The following RARRES1 variants were observed in gnomAD, a reference collection of about 807,000 sequenced individuals.
RARRES1 encodes retinoic acid receptor responder 1.
In RARRES1, 34 loss-of-function variants were observed where a neutral mutation model predicts 30.6. The ratio of observed to expected loss-of-function variants is 1.11; its 90% CI spans 0.84 to 1.48. The LOEUF is 1.48. RARRES1 is among the 40% of genes most tolerant of loss of function. The pLI, the probability that RARRES1 is intolerant of heterozygous loss-of-function variation, is 0.00. For missense variants in RARRES1, 373 were observed against 386.5 expected (o/e 0.97, Z 0.29); for synonymous variants, 153 against 155.5 (o/e 0.98, Z 0.12).
chr3:158,725,205 T>C (rs1727648056), intron 1 of RARRES1, among the ~76,000 whole-genome samples: 1 of 152,186 alleles, frequency 6.6e-6, no homozygotes, highest in Non-Finnish European at 1.5e-5. Context: ...GGATTTGTTA[T>C]GGCTACTGTC....
chr3:158,698,690 C>T (rs1337473341), intron 4 of RARRES1, among the ~76,000 whole-genome samples: 4 of 123,938 alleles, frequency 3.2e-5, no homozygotes, highest in Non-Finnish European at 7.0e-5. Context: ...TTTTTTTTTG[C>T]AAGAGTGCTT....
intron 3 of RARRES1, among the ~76,000 whole-genome samples, chr3:158,709,738 C>A (rs1265367897): frequency 1.3e-5 from 2 of 152,178 alleles, no homozygotes; most frequent in Non-Finnish European, 2.9e-5. Context: ...AGCGGTCAGA[C>A]ATCAAGCTTA....
intron 3 of RARRES1, among the ~76,000 whole-genome samples, chr3:158,710,289 C>G (rs1457049332): frequency 2.0e-5 from 3 of 151,168 alleles, no homozygotes; most frequent in African/African-American, 7.3e-5. Flanking sequence ...CTCACTGCAA[C>G]CTCCGCCTCC....
intron 1 of RARRES1, among the ~76,000 whole-genome samples, chr3:158,714,068 G>A (rs1485816033): frequency 2.0e-5 from 3 of 152,034 alleles, no homozygotes; most frequent in Admixed American, 6.6e-5. Flanking sequence ...CTCACAAAGA[G>A]GGAGACTGAG....
intron 1 of RARRES1, among the ~76,000 whole-genome samples, chr3:158,731,878 C>G (rs932561672): frequency 1.3e-5 from 2 of 152,228 alleles, no homozygotes; most frequent in Non-Finnish European, 2.9e-5. Context: ...GAGCGCTGCC[C>G]TGTGAAAAAC....
intron 4 of RARRES1, among the ~76,000 whole-genome samples, chr3:158,698,555 TA>T (rs1170972351): frequency 6.6e-6 from 1 of 152,232 alleles, no homozygotes; most frequent in African/African-American, 2.4e-5. Flanking sequence ...ACGCTGTTTC[TA>T]AAACCAGTGC....
chr3:158,710,409 C>T (rs962582216), intron 3 of RARRES1, among the ~76,000 whole-genome samples: 1 of 152,036 alleles, frequency 6.6e-6, no homozygotes, highest in Non-Finnish European at 1.5e-5. Context: ...GGGGTTTCAC[C>T]GTGTTAGCCA....
intron 3 of RARRES1, 146 bp downstream of exon 3, chr3:158,710,592 A>T: frequency 1.4e-6 from 1 of 710,348 alleles, no homozygotes; most frequent in Non-Finnish European, 2.3e-6. Flanking sequence ...GATACCTCTG[A>T]GTTTTGTTTA....
Position 158,713,818 on chromosome 3 carries a change from G to T in RARRES1, c.318C>A (p.Ser106Arg). Residue 106 changes from serine to arginine, a missense_variant, in exon 2 of 6, where the codon AGC becomes AGA. By Grantham distance (110) the Ser-to-Arg change is moderately radical. Transcript: ENST00000237696. ...TTACCTCTGGGTTGTAGCGCTCTGT[G>T]CTGAAGACCACGTGAACTTTACATC... ...KEGCKVHVVF[S>R]TERYNPESLL... is the part of the protein sequence containing the mutation. The T allele has an allele frequency of 6.2e-7, 1 of 1,614,056 alleles. No individual in the cohort carries two copies. Among genetic ancestry groups the T allele is most frequent in the Non-Finnish European group, 8.5e-7 (1 of 1,179,936 alleles).
At chr3:158,702,375 T>A (rs1726763640) in intron 4 of RARRES1, among the ~76,000 whole-genome samples, 1 of 152,182 alleles carries the variant, frequency 6.6e-6, no homozygotes, top group Non-Finnish European at 1.5e-5. Context: ...TACTTGTATG[T>A]CCTCGCTTTC....
intron 1 of RARRES1, among the ~76,000 whole-genome samples, chr3:158,727,820 C>T (rs2108155400): frequency 1.3e-5 from 2 of 152,292 alleles, no homozygotes; most frequent in Non-Finnish European, 2.9e-5. Flanking sequence ...AAATCGTGGT[C>T]TGTGATTTCG....
Position 158,732,213 on chromosome 3 carries a change from T to G in RARRES1, c.203A>C (p.His68Pro). ...LLQQAARAAL[H>P]FFNFRSGSPS... ...CGAGCCGGACCGGAAGTTGAAGAAG[T>G]GAAGCGCCGCGCGCGCCGCCTGCTG... The change falls in exon 1 of 6, where the codon CAC (histidine) becomes CCC (proline). Residue 68 changes from histidine (H) to proline (P), a missense_variant. Physicochemically the swap from His to Pro is moderately conservative, Grantham distance 77 (BLOSUM62 -2). Transcript: ENST00000237696. The G allele has an allele frequency of 7.1e-7, 1 of 1,413,770 alleles. No homozygotes were observed. Among genetic ancestry groups the G allele is most frequent in the South Asian group, 1.5e-5 (1 of 65,952 alleles). 87.6% of individuals were successfully genotyped at this position (1,413,770 alleles called of 1,614,324 possible).
chr3:158,730,766 TTTA>T (rs755794757), intron 1 of RARRES1, among the ~76,000 whole-genome samples: 6 of 151,216 alleles, frequency 4.0e-5, no homozygotes, highest in Admixed American at 6.6e-5. Context: ...TGCCTTTTTC[TTTA>T]TTATTTTATT....
Position 158,732,141 on chromosome 3 carries a change from C to A in RARRES1, c.275G>T (p.Trp92Leu). Residue 92 changes from tryptophan to leucine, a missense_variant and splice_region_variant, in exon 1 of 6, where the codon TGG (tryptophan) becomes TTG (leucine). Physicochemically the swap from Trp to Leu is moderately conservative, Grantham distance 61. Coordinates refer to ENST00000237696, the MANE Select transcript of RARRES1 (RefSeq NM_206963.2). ...VLAEVQEGRA[W>L]INPKEGCKVH... ...CCCGGCGCGTCGCTCCGCACTCACCCACGCGCGGCCCTCCTGCACCTCGGC... is the reference window on the plus strand; with the variant it reads ...CCCGGCGCGTCGCTCCGCACTCACCAACGCGCGGCCCTCCTGCACCTCGGC... The A allele has an allele frequency of 7.3e-7, 1 of 1,373,106 alleles. No individual in the cohort carries two copies. The highest frequency in any genetic ancestry group is 1.7e-5 in the South Asian group (1 of 57,602). 85.1% of individuals were successfully genotyped at this position (1,373,106 alleles called of 1,614,324 possible). A position where few individuals can be genotyped will look rare whatever the true frequency, so the allele number is the denominator to read the frequency against.
chr3:158,713,201 C>G (rs905512593), intron 2 of RARRES1, among the ~76,000 whole-genome samples: 8 of 152,222 alleles, frequency 5.3e-5, no homozygotes, highest in African/African-American at 1.9e-4. Context: ...CGCCTTTCAG[C>G]TTGGCCTAGC....
chr3:158,728,490 G>A (rs17643581), intron 1 of RARRES1, among the ~76,000 whole-genome samples: 33,297 of 147,470 alleles, frequency 0.23, 3,772 homozygotes, highest in African/African-American at 0.25. Context: ...GAGTTTGGAG[G>A]GATCAATCGT....
Position 158,704,505 on chromosome 3 carries a change from G to C in RARRES1, c.672+286C>G. On this transcript the variant is annotated intron_variant, in intron 4 of 5. Transcript: ENST00000237696. ...CCTTGGCTACTTAATTTTTTTCATA[G>C]CATTTACCATCATATGATACATATT... 3 of 301,008 alleles carry C rather than the reference G, an allele frequency of 1.0e-5. No individual in the cohort carries two copies. The South Asian group carries it at 3.0e-4, about 31-fold the overall frequency. The allele number at this position is 301,008 out of a possible 1,614,324, so 18.6% of individuals were successfully genotyped here.
chr3:158,708,161 T>C (rs1053382477), intron 3 of RARRES1, among the ~76,000 whole-genome samples: 2 of 152,210 alleles, frequency 1.3e-5, no homozygotes, highest in Admixed American at 1.3e-4. Flanking sequence ...AGACTCTGAA[T>C]TCAATATCTT....
At chr3:158,698,860 C>A (rs1356223221) in intron 4 of RARRES1, among the ~76,000 whole-genome samples, 1 of 152,082 alleles carries the variant, frequency 6.6e-6, no homozygotes, top group African/African-American at 2.4e-5. Context: ...CTCTTTCAGC[C>A]TTTTTCCCTG....
Sources: gnomAD v4.1 joint callset for allele counts (sites outside exome capture counted in the v4.1 genomes callset) on GRCh38, gnomAD v4.1.1 for gene constraint, MANE v1.5 for transcripts, NCBI Gene and HGNC (gene_info 2026-07-23, HGNC 2026-07-21) for gene names.